FANCB: variants seen among roughly 807,000 people sequenced by gnomAD.
FANCB encodes the protein Fanconi anemia group B protein.
FANCB carries 5 observed loss-of-function variants against 38.9 expected under a neutral mutation model. That is an observed-to-expected ratio of 0.13 (90% CI 0.07 to 0.27). The LOEUF is 0.27. FANCB is among the 10% of genes least tolerant of loss of function. The pLI is 1.00. For synonymous variants in FANCB, 236 were observed against 215.4 expected, an observed-to-expected ratio of 1.10 and a Z score of -0.84; for missense variants, 573 against 602.7, an observed-to-expected ratio of 0.95 and a Z score of 0.52.
chrX:14,856,342 G>A (rs1391030150), intron 5 of FANCB, among the ~76,000 whole-genome samples: 7 of 111,296 alleles, frequency 6.3e-5, no homozygotes, highest in Non-Finnish European at 1.1e-4. Flanking sequence ...GAGAAGGTTG[G>A]GTCACTCACT....
the FANCB span, among the ~76,000 whole-genome samples, chrX:14,727,701 G>T: frequency 3.6e-5 from 4 of 112,491 alleles, no homozygotes; most frequent in Non-Finnish European, 7.5e-5. Context: ...TTAAGGCAAA[G>T]AAAACAGGTT....
chrX:14,747,659 G>A, the FANCB span, among the ~76,000 whole-genome samples: 2 of 112,024 alleles, frequency 1.8e-5, no homozygotes, highest in Admixed American at 9.4e-5. Context: ...TCAACAGAGG[G>A]GATTTGTGGC....
At chrX:14,762,524 G>A in the FANCB span, among the ~76,000 whole-genome samples, 1 of 111,419 alleles carries the variant, frequency 9.0e-6, no homozygotes, top group Admixed American at 9.6e-5. Context: ...TCAGACCACT[G>A]TGGCCCTCGT....
the FANCB span, among the ~76,000 whole-genome samples, chrX:14,716,807 A>C: frequency 5.4e-5 from 6 of 111,390 alleles, no homozygotes; most frequent in African/African-American, 2.0e-4. Flanking sequence ...ATAAAAAGAA[A>C]AATGGAAATT....
chrX:14,784,549 C>T, the FANCB span, among the ~76,000 whole-genome samples: 2 of 112,263 alleles, frequency 1.8e-5, no homozygotes, highest in African/African-American at 6.5e-5. Context: ...AATAGGAACA[C>T]TTTTACACTG....
chrX:14,851,487 G>C (rs1366056262), intron 6 of FANCB, among the ~76,000 whole-genome samples: 1 of 72,106 alleles, frequency 1.4e-5, no homozygotes, highest in Admixed American at 1.4e-4. Flanking sequence ...GCCTCTCCAT[G>C]TGGTAATTAC....
the FANCB span, among the ~76,000 whole-genome samples, chrX:14,759,764 C>T: frequency 9.4e-6 from 1 of 105,918 alleles, no homozygotes; most frequent in Admixed American, 1.0e-4. Context: ...CTCCTTAAAG[C>T]ATAAATCTCA....
At chrX:14,769,838 T>C in the FANCB span, among the ~76,000 whole-genome samples, 3 of 112,194 alleles carry the variant, frequency 2.7e-5, no homozygotes, top group Non-Finnish European at 3.8e-5. Flanking sequence ...ATCCCAAAGA[T>C]TGTGATATGT....
the FANCB span, among the ~76,000 whole-genome samples, chrX:14,713,358 G>T: frequency 8.9e-6 from 1 of 111,965 alleles, no homozygotes; most frequent in Non-Finnish European, 1.9e-5. Context: ...TTAGAATTTT[G>T]TGTGTCTTTT....
chrX:14,740,319 T>C, the FANCB span, among the ~76,000 whole-genome samples: 3 of 111,027 alleles, frequency 2.7e-5, no homozygotes, highest in Admixed American at 9.6e-5. Context: ...TGCCTCCCCA[T>C]ATTACTCAGA....
the FANCB span, among the ~76,000 whole-genome samples, chrX:14,760,857 G>A: frequency 9.0e-6 from 1 of 110,931 alleles, no homozygotes; most frequent in Non-Finnish European, 1.9e-5. Flanking sequence ...TGTAATTCCT[G>A]CTACTCAGGA....
chrX:14,857,831 C>T (rs369918121), intron 5 of FANCB, 31 bp downstream of exon 5: 85 of 968,987 alleles, frequency 8.8e-5, no homozygotes, highest in Non-Finnish European at 1.2e-4. Flanking sequence ...TAACACTAAT[C>T]GAAAAGCAAA....
the FANCB span, among the ~76,000 whole-genome samples, chrX:14,815,982 G>A: frequency 8.9e-6 from 1 of 112,013 alleles, no homozygotes; most frequent in Non-Finnish European, 1.9e-5. Context: ...GACATAAAGT[G>A]TAGAATAACA....
the FANCB span, chrX:14,730,889 TATACACACACAC>T: frequency 2.6e-4 from 33 of 129,260 alleles, no homozygotes; most frequent in African/African-American, 1.3e-3. Flanking sequence ...AAAAGTTAGC[TATACACACACAC>T]ACACACACAC....
the FANCB span, among the ~76,000 whole-genome samples, chrX:14,773,386 T>C: frequency 8.9e-6 from 1 of 111,946 alleles, no homozygotes; most frequent in African/African-American, 3.3e-5. Context: ...CTCTTGTGAA[T>C]AGTAAGGTGT....
the FANCB span, among the ~76,000 whole-genome samples, chrX:14,821,715 A>G: frequency 0.098 from 10,854 of 111,288 alleles, 1,162 homozygotes; most frequent in African/African-American, 0.31. Context: ...TGAAGCCAAT[A>G]GGCATCAAGT....
the FANCB span, among the ~76,000 whole-genome samples, chrX:14,808,325 C>T: frequency 9.0e-6 from 1 of 111,294 alleles, no homozygotes; most frequent in East Asian, 2.8e-4. Flanking sequence ...AAAATACTAA[C>T]AAACCAAATT....
chrX:14,729,755 A>G, the FANCB span, among the ~76,000 whole-genome samples: 10 of 111,351 alleles, frequency 9.0e-5, no homozygotes, highest in Admixed American at 5.7e-4. Context: ...GAACCACAAT[A>G]CTATAGGTTC....
the FANCB span, among the ~76,000 whole-genome samples, chrX:14,829,912 CTG>C: frequency 1.8e-5 from 2 of 112,478 alleles, no homozygotes; most frequent in African/African-American, 3.2e-5. Flanking sequence ...GGTTGGCTAA[CTG>C]TTGCAAGAAG....
Sources: gnomAD v4.1 joint callset for allele counts (sites outside exome capture counted in the v4.1 genomes callset) on GRCh38, gnomAD v4.1.1 for gene constraint, MANE v1.5 for transcripts, NCBI Gene and HGNC (gene_info 2026-07-23, HGNC 2026-07-21) for gene names.